Variants in DNM3 observed in about 807,000 individuals in gnomAD.
DNM3 encodes dynamin 3.
In DNM3, 47 loss-of-function variants were observed where a neutral mutation model predicts 101.6. The ratio of observed to expected loss-of-function variants is 0.46; its 90% CI spans 0.37 to 0.59. The LOEUF (loss-of-function observed/expected upper bound fraction) is 0.59. DNM3 is among the 20% of genes least tolerant of loss of function. DNM3 has a pLI of 0.00. For synonymous variants in DNM3, 385 were observed against 387.9 expected, an observed-to-expected ratio of 0.99 and a Z score of 0.09; for missense variants, 849 against 1,085.7, an observed-to-expected ratio of 0.78 and a Z score of 3.06.
At chr1:172,105,773 A>T (rs1399238529) in intron 13 of DNM3, among the ~76,000 whole-genome samples, 1 of 152,048 alleles carries the variant, frequency 6.6e-6, no homozygotes, top group Non-Finnish European at 1.5e-5. Context: ...TTTCCCCCTT[A>T]ACTTAGGTAA....
intron 14 of DNM3, among the ~76,000 whole-genome samples, chr1:172,206,471 T>A (rs577745910): frequency 2.0e-4 from 30 of 152,282 alleles, no homozygotes; most frequent in African/African-American, 5.8e-4. Context: ...AAGGTCAAGA[T>A]TGTTAAAAAT....
At chr1:171,883,895 C>T (rs1000372193) in intron 1 of DNM3, among the ~76,000 whole-genome samples, 2 of 152,138 alleles carry the variant, frequency 1.3e-5, no homozygotes, top group Admixed American at 1.3e-4. Flanking sequence ...AAACATTTCC[C>T]AGTCTGATTT....
chr1:172,234,775 G>T (rs1473275548), intron 14 of DNM3, among the ~76,000 whole-genome samples: 1 of 152,104 alleles, frequency 6.6e-6, no homozygotes, highest in Admixed American at 6.6e-5. Flanking sequence ...AATAAATGGT[G>T]CTGGGAAAAC....
chr1:171,862,608 G>C (rs1433018714), intron 1 of DNM3, among the ~76,000 whole-genome samples: 1 of 152,070 alleles, frequency 6.6e-6, no homozygotes, highest in South Asian at 2.1e-4. Flanking sequence ...CTACTAATGG[G>C]TATGGAGTTT....
chr1:172,196,724 A>G (rs956204504), intron 14 of DNM3, among the ~76,000 whole-genome samples: 4 of 151,940 alleles, frequency 2.6e-5, no homozygotes, highest in African/African-American at 9.7e-5. Context: ...GTCTCTGTTT[A>G]TGTCCTTTGT....
chr1:172,029,619 C>A (rs983328804), intron 4 of DNM3, among the ~76,000 whole-genome samples: 3 of 152,068 alleles, frequency 2.0e-5, no homozygotes, highest in Admixed American at 6.5e-5. Context: ...TGAAATTATC[C>A]CTGTTTGCAG....
chr1:172,354,644 G>A (rs1484173753), intron 17 of DNM3, among the ~76,000 whole-genome samples: 1 of 152,024 alleles, frequency 6.6e-6, no homozygotes, highest in Non-Finnish European at 1.5e-5. Context: ...GAATATTAAG[G>A]ACAATGTGAC....
intron 15 of DNM3, among the ~76,000 whole-genome samples, chr1:172,290,966 G>A (rs1486096799): frequency 7.1e-6 from 1 of 141,806 alleles, no homozygotes; most frequent in Non-Finnish European, 1.6e-5. Flanking sequence ...AGGAGAAGGT[G>A]TTTGAGGACA....
intron 1 of DNM3, among the ~76,000 whole-genome samples, chr1:171,912,557 T>C (rs916118414): frequency 2.6e-5 from 4 of 152,196 alleles, no homozygotes; most frequent in Admixed American, 6.5e-5. Context: ...CTTGTAGTAT[T>C]AAGGTGGTTG....
At chr1:172,055,214 G>T (rs1306175674) in intron 10 of DNM3, among the ~76,000 whole-genome samples, 3 of 151,956 alleles carry the variant, frequency 2.0e-5, no homozygotes, top group African/African-American at 7.3e-5. Context: ...CAGCTGCACT[G>T]GATTCCTTGT....
At chr1:171,979,179 G>A (rs1433385762) in intron 2 of DNM3, among the ~76,000 whole-genome samples, 1 of 152,134 alleles carries the variant, frequency 6.6e-6, no homozygotes, top group Non-Finnish European at 1.5e-5. Flanking sequence ...TCAGGGAAGA[G>A]GAGGACAATC....
intron 20 of DNM3, chr1:172,393,218 ATCC>A (rs1444068607): frequency 6.6e-6 from 1 of 152,226 alleles, no homozygotes; most frequent in Non-Finnish European, 1.5e-5. Flanking sequence ...AAGCCATTTA[ATCC>A]TCCTTATAAT....
rs191786233 is a variant in DNM3, at chr1:172,397,500, C to T, written c.2522+8691C>T. Among the ~76,000 whole-genome samples the T allele has an allele frequency of 1.1e-3, 170 of 152,240 alleles. 6 individuals carry two copies. The East Asian group carries it at 0.027, about 24-fold the overall frequency. On this transcript the variant is annotated intron_variant, in intron 20 of 20. Transcript: ENST00000627582. ...TGACTCATCAGTAGACTGTGATTAG[C>T]TTACTTAAGTGTTCTACAGTTCAGT...
chr1:172,307,018 T>C (rs1253693767), intron 15 of DNM3, among the ~76,000 whole-genome samples: 2 of 152,078 alleles, frequency 1.3e-5, no homozygotes, highest in South Asian at 2.1e-4. Context: ...AAAGCCAAAA[T>C]TGACAAATGG....
intron 13 of DNM3, among the ~76,000 whole-genome samples, chr1:172,099,465 C>T (rs1307737978): frequency 6.6e-6 from 1 of 151,786 alleles, no homozygotes; most frequent in Non-Finnish European, 1.5e-5. Context: ...AGAACCAGTC[C>T]ATAAGTGGCA....
chr1:172,324,459 A>G (rs534383527), intron 17 of DNM3, among the ~76,000 whole-genome samples: 2 of 152,324 alleles, frequency 1.3e-5, no homozygotes, highest in East Asian at 1.9e-4. Context: ...ATAAATTTAT[A>G]TCTTGATATA....
rs536405270 is a variant in DNM3, at chr1:172,153,282, A to T, written c.1659+21994A>T. 2.0e-5 allele frequency among the ~76,000 whole-genome samples: 3 copies of T among 152,284 alleles called. No homozygotes were observed. In the South Asian group the frequency reaches 6.2e-4, roughly 32 times the overall value. On this transcript the variant is annotated intron_variant, in intron 14 of 20. Transcript: ENST00000627582. ...CATTCTGCAACAAGTTCATACGGCA[A>T]CAGTTTGGAGGATTGCCATGGCAAT...
At chr1:171,872,005 C>G (rs1399839684) in intron 1 of DNM3, among the ~76,000 whole-genome samples, 1 of 151,618 alleles carries the variant, frequency 6.6e-6, no homozygotes, top group East Asian at 1.9e-4. Context: ...AGCCTCCATG[C>G]AGACGAGCTA....
intron 14 of DNM3, among the ~76,000 whole-genome samples, chr1:172,249,245 C>T (rs995277449): frequency 6.6e-6 from 1 of 152,148 alleles, no homozygotes; most frequent in African/African-American, 2.4e-5. Context: ...CCATACCTAT[C>T]TCTCATTGAC....
Sources: gnomAD v4.1 joint callset for allele counts (sites outside exome capture counted in the v4.1 genomes callset) on GRCh38, gnomAD v4.1.1 for gene constraint, MANE v1.5 for transcripts, NCBI Gene and HGNC (gene_info 2026-07-23, HGNC 2026-07-21) for gene names.